Variants in GPR15LG observed in about 807,000 individuals in gnomAD.
GPR15LG encodes the protein protein GPR15LG.
the GPR15LG span, among the ~76,000 whole-genome samples, chr10:84,177,493 G>GCCATGGCCCATGGGGT: frequency 6.6e-6 from 1 of 152,228 alleles, no homozygotes; most frequent in South Asian, 2.1e-4. Context: ...CTCCTCTGCG[G>GCCATGGCCCATGGGGT]CCATGGCCCA....
At chr10:84,183,955 T>C in the GPR15LG span, among the ~76,000 whole-genome samples, 1 of 152,162 alleles carries the variant, frequency 6.6e-6, no homozygotes, top group Non-Finnish European at 1.5e-5. Context: ...CAAATTATCA[T>C]TACTAATTAA....
At chr10:84,175,255 A>G in the GPR15LG span, among the ~76,000 whole-genome samples, 1 of 152,224 alleles carries the variant, frequency 6.6e-6, no homozygotes, top group Non-Finnish European at 1.5e-5. Flanking sequence ...AGAATTCCTC[A>G]TAAACACAGC....
At chr10:84,180,088 G>C in the GPR15LG span, among the ~76,000 whole-genome samples, 7 of 152,250 alleles carry the variant, frequency 4.6e-5, no homozygotes, top group South Asian at 6.2e-4. Flanking sequence ...GACTCTTAAC[G>C]AGTATGCTGC....
At chr10:84,183,416 A>G in the GPR15LG span, among the ~76,000 whole-genome samples, 1 of 152,116 alleles carries the variant, frequency 6.6e-6, no homozygotes, top group Non-Finnish European at 1.5e-5. Flanking sequence ...GAATAATCTC[A>G]TGACCATAAC....
the GPR15LG span, among the ~76,000 whole-genome samples, chr10:84,177,247 G>C: frequency 2.0e-5 from 3 of 152,354 alleles, no homozygotes; most frequent in African/African-American, 7.2e-5. Context: ...GCTCAGGAGG[G>C]CTGCGGGCAC....
At chr10:84,179,438 C>T in the GPR15LG span, among the ~76,000 whole-genome samples, 1 of 152,200 alleles carries the variant, frequency 6.6e-6, no homozygotes, top group Non-Finnish European at 1.5e-5. Context: ...GTTCCACCTT[C>T]TGTCTTATGG....
At chr10:84,182,590 T>C in the GPR15LG span, among the ~76,000 whole-genome samples, 4 of 152,228 alleles carry the variant, frequency 2.6e-5, no homozygotes, top group African/African-American at 4.8e-5. Context: ...ACTGTTCACG[T>C]GGTGTCTGCA....
the GPR15LG span, chr10:84,184,842 C>T: frequency 1.3e-6 from 2 of 1,588,538 alleles, no homozygotes; most frequent in Non-Finnish European, 1.7e-6. Context: ...CTCCTGTCTC[C>T]CCTTTCAGCC....
the GPR15LG span, among the ~76,000 whole-genome samples, chr10:84,181,099 C>G: frequency 2.8e-5 from 4 of 143,548 alleles, 1 homozygote; most frequent in Admixed American, 2.1e-4. Context: ...GAGGGAGAGG[C>G]CTGGGCTCAG....
chr10:84,176,388 A>G, the GPR15LG span: 1 of 899,170 alleles, frequency 1.1e-6, no homozygotes, highest in Non-Finnish European at 1.9e-6. Context: ...TTCTCTGGAT[A>G]AATATTCCTG....
At chr10:84,177,678 G>A in the GPR15LG span, among the ~76,000 whole-genome samples, 41 of 152,266 alleles carry the variant, frequency 2.7e-4, no homozygotes, top group Middle Eastern at 3.4e-3. Flanking sequence ...ACACCCAGCC[G>A]GCCAGGATAA....
the GPR15LG span, among the ~76,000 whole-genome samples, chr10:84,182,598 G>A: frequency 6.6e-6 from 1 of 152,184 alleles, no homozygotes; most frequent in African/African-American, 2.4e-5. Context: ...CGTGGTGTCT[G>A]CAGAGTTCCA....
chr10:84,182,191 G>A, the GPR15LG span, among the ~76,000 whole-genome samples: 1 of 152,218 alleles, frequency 6.6e-6, no homozygotes, highest in Admixed American at 6.5e-5. Context: ...ATGATACCAG[G>A]ATGGACATGA....
chr10:84,174,702 G>A, the GPR15LG span, among the ~76,000 whole-genome samples: 1 of 151,908 alleles, frequency 6.6e-6, no homozygotes, highest in Non-Finnish European at 1.5e-5. Flanking sequence ...ATCTTGGCCA[G>A]GCTGGTCTTG....
At chr10:84,181,508 C>A in the GPR15LG span, among the ~76,000 whole-genome samples, 12 of 152,186 alleles carry the variant, frequency 7.9e-5, no homozygotes, top group Non-Finnish European at 1.5e-5. Context: ...TCACTGCAGC[C>A]TCAAACTCCT....
the GPR15LG span, among the ~76,000 whole-genome samples, chr10:84,175,017 T>A: frequency 6.6e-6 from 1 of 152,222 alleles, no homozygotes; most frequent in Non-Finnish European, 1.5e-5. Context: ...GTAGAATTTT[T>A]AAAAATTAAT....
the GPR15LG span, among the ~76,000 whole-genome samples, chr10:84,178,483 T>C: frequency 4.0e-5 from 6 of 150,114 alleles, no homozygotes; most frequent in Non-Finnish European, 8.9e-5. Flanking sequence ...ACTACACAAC[T>C]ATACACACAG....
At chr10:84,184,728 C>T in the GPR15LG span, 23 of 1,613,784 alleles carry the variant, frequency 1.4e-5, no homozygotes, top group Non-Finnish European at 1.8e-5. Flanking sequence ...GCCAGAGCCC[C>T]GCCTTTGGGT....
At chr10:84,183,658 T>A in the GPR15LG span, among the ~76,000 whole-genome samples, 1 of 152,216 alleles carries the variant, frequency 6.6e-6, no homozygotes, top group East Asian at 1.9e-4. Context: ...TTATTTATTT[T>A]TTTTTTGAGA....
Sources: gnomAD v4.1 joint callset for allele counts (sites outside exome capture counted in the v4.1 genomes callset) on GRCh38, gnomAD v4.1.1 for gene constraint, MANE v1.5 for transcripts, NCBI Gene and HGNC (gene_info 2026-07-23, HGNC 2026-07-21) for gene names.